Variants in PTPRG observed in about 807,000 individuals in gnomAD.
The protein encoded by PTPRG is receptor-type tyrosine-protein phosphatase gamma.
Under a neutral mutation model 165.3 loss-of-function variants are expected in PTPRG, and 102 were observed. The observed-to-expected ratio is 0.62, with a 90% CI of 0.53 to 0.73. The LOEUF (loss-of-function observed/expected upper bound fraction) is 0.73. PTPRG is among the 30% of genes least tolerant of loss of function. PTPRG has a pLI of 0.00. For missense variants in PTPRG, 1,866 were observed against 1,861.4 expected, an observed-to-expected ratio of 1.00 and a Z score of -0.05; for synonymous variants, 675 against 669.5, an observed-to-expected ratio of 1.01 and a Z score of -0.13.
intron 1 of PTPRG, among the ~76,000 whole-genome samples, chr3:61,656,047 C>CTG (rs1316080973): frequency 6.6e-6 from 1 of 150,842 alleles, no homozygotes; most frequent in Non-Finnish European, 1.5e-5. Context: ...AGACCCCCCC[C>CTG]CCCCCGACCA....
chr3:61,939,913 T>G (rs1027987566), intron 2 of PTPRG, among the ~76,000 whole-genome samples: 1 of 143,682 alleles, frequency 7.0e-6, no homozygotes, highest in African/African-American at 2.6e-5. Flanking sequence ...TGTCTTGGCT[T>G]CCTTACTGAC....
chr3:62,025,188 C>A (rs531500781), intron 4 of PTPRG, among the ~76,000 whole-genome samples: 2 of 152,198 alleles, frequency 1.3e-5, no homozygotes, highest in East Asian at 3.9e-4. Context: ...GCTGTCACTA[C>A]CCACCTCAGT....
rs1033859513 is a variant in PTPRG at position 62,213,280 on chromosome 3, C to T, written c.2156-5571C>T. On this transcript the variant is annotated intron_variant, in intron 12 of 29. Transcript: ENST00000474889. This position sits in a 1 kb window ranked among gnomAD's most constrained non-coding sequence, Gnocchi z 4.4. ...GCACTGTGCTTGGTACCTGACTGAT[C>T]CAGAGCAGCTTCATAAGCAGGCAGC... Among the ~76,000 whole-genome samples, 1 of 152,146 alleles carries T rather than the reference C, an allele frequency of 6.6e-6. No homozygotes were observed. Among genetic ancestry groups the T allele is most frequent in the East Asian group, 1.9e-4 (1 of 5,178 alleles).
At chr3:61,759,501 A>T (rs963306189) in intron 2 of PTPRG, among the ~76,000 whole-genome samples, 6 of 152,092 alleles carry the variant, frequency 3.9e-5, no homozygotes, top group Non-Finnish European at 7.4e-5. Context: ...CAAAAAAATT[A>T]AAAAATTAGC....
intron 14 of PTPRG, 138 bp from the exon 15 acceptor site, chr3:62,243,669 T>G (rs965727655): frequency 6.8e-5 from 36 of 528,644 alleles, no homozygotes; most frequent in Admixed American, 1.2e-4. Context: ...TCCTTGTATC[T>G]TGTTACTTTT....
At chr3:62,088,360 G>A (rs1300109442) in intron 5 of PTPRG, among the ~76,000 whole-genome samples, 1 of 152,188 alleles carries the variant, frequency 6.6e-6, no homozygotes, top group Non-Finnish European at 1.5e-5. Context: ...CTTCATCTCG[G>A]TAGAGGGGGG....
intron 13 of PTPRG, among the ~76,000 whole-genome samples, chr3:62,225,397 C>T (rs546326403): frequency 1.7e-3 from 257 of 152,236 alleles, no homozygotes; most frequent in Non-Finnish European, 2.1e-3. Flanking sequence ...GCTATGTGCC[C>T]GGTGTCCAAT....
intron 2 of PTPRG, among the ~76,000 whole-genome samples, chr3:61,921,476 A>G (rs1304393424): frequency 6.6e-6 from 1 of 152,218 alleles, no homozygotes; most frequent in African/African-American, 2.4e-5. Context: ...TTCAAAATGT[A>G]CGGCTTTTTG....
At chr3:61,568,493 G>A (rs1363835800) in intron 1 of PTPRG, among the ~76,000 whole-genome samples, 1 of 152,150 alleles carries the variant, frequency 6.6e-6, no homozygotes, top group African/African-American at 2.4e-5. Flanking sequence ...ATTTCACCTG[G>A]TATCATTTGT....
At chr3:61,864,095 G>C (rs1425124821) in intron 2 of PTPRG, among the ~76,000 whole-genome samples, 1 of 152,060 alleles carries the variant, frequency 6.6e-6, no homozygotes, top group Non-Finnish European at 1.5e-5. Context: ...TTGTACAATG[G>C]GGAGAGTAAA....
intron 4 of PTPRG, among the ~76,000 whole-genome samples, chr3:62,043,423 G>T (rs369814707): frequency 1.3e-5 from 2 of 152,050 alleles, no homozygotes; most frequent in East Asian, 3.8e-4. Flanking sequence ...TTTTATTAAA[G>T]AATTTTTATA....
chr3:62,124,294 G>A, intron 5 of PTPRG: 1 of 1,589,288 alleles, frequency 6.3e-7, no homozygotes, highest in Non-Finnish European at 8.6e-7. Context: ...CCGTGTTGAG[G>A]GTGGTCAGCG....
chr3:62,099,339 T>C (rs1211861963), intron 5 of PTPRG, among the ~76,000 whole-genome samples: 1 of 152,200 alleles, frequency 6.6e-6, no homozygotes, highest in East Asian at 1.9e-4. Flanking sequence ...CTTCCTAGTC[T>C]TTCAAAATGG....
chr3:61,849,006 A>G (rs1350197181), intron 2 of PTPRG, among the ~76,000 whole-genome samples: 3 of 152,228 alleles, frequency 2.0e-5, no homozygotes, highest in Non-Finnish European at 1.5e-5. Flanking sequence ...TAATGATTTC[A>G]TTAAACATTG....
chr3:62,156,988 C>G (rs1242715983), intron 6 of PTPRG, 79 bp from the exon 7 acceptor site: 1 of 1,303,628 alleles, frequency 7.7e-7, no homozygotes, highest in Non-Finnish European at 1.1e-6. Flanking sequence ...ACCAGCATGC[C>G]GAGGGTGTTG....
At chr3:61,670,175 C>T (rs914575713) in intron 1 of PTPRG, among the ~76,000 whole-genome samples, 8 of 152,108 alleles carry the variant, frequency 5.3e-5, no homozygotes, top group Non-Finnish European at 7.3e-5. Context: ...TTCCTTTAGC[C>T]GAATCTGAAC....
chr3:62,013,052 T>C (rs146361057), intron 4 of PTPRG, among the ~76,000 whole-genome samples: 1 of 151,124 alleles, frequency 6.6e-6, no homozygotes, highest in East Asian at 1.9e-4. Context: ...AAGGAAGATA[T>C]TATTTTATTT....
At chr3:61,892,446 C>A (rs1559673465) in intron 2 of PTPRG, among the ~76,000 whole-genome samples, 1 of 152,174 alleles carries the variant, frequency 6.6e-6, no homozygotes, top group Non-Finnish European at 1.5e-5. Flanking sequence ...AACTCCTTGG[C>A]TCAAGTGATC....
intron 2 of PTPRG, among the ~76,000 whole-genome samples, chr3:61,839,336 T>G (rs1012582755): frequency 6.6e-6 from 1 of 152,240 alleles, no homozygotes; most frequent in African/African-American, 2.4e-5. Context: ...ATGCACAGAA[T>G]GTAGTAGACA....
Sources: allele counts gnomAD v4.1 joint callset (sites outside exome capture counted in the v4.1 genomes callset), GRCh38; gene constraint gnomAD v4.1.1; non-coding constraint Gnocchi (gnomAD v3.1); transcripts MANE v1.5; gene names NCBI Gene and HGNC (gene_info 2026-07-23, HGNC 2026-07-21).